Variants in CLYBL observed in about 807,000 individuals in gnomAD.
The protein encoded by CLYBL is citramalyl-CoA lyase, mitochondrial.
A neutral mutation model predicts 38.9 loss-of-function variants in CLYBL; 31 were observed. The ratio of observed to expected loss-of-function variants is 0.80; its 90% CI spans 0.60 to 1.08. The LOEUF (loss-of-function observed/expected upper bound fraction) is 1.08. CLYBL is among the 50% of genes least tolerant of loss of function. The pLI, the probability that CLYBL is intolerant of heterozygous loss-of-function variation, is 0.00. For missense variants in CLYBL, 434 were observed against 411.6 expected (o/e 1.05, Z -0.47); for synonymous variants, 171 against 158.6 (o/e 1.08, Z -0.59).
intron 1 of CLYBL, among the ~76,000 whole-genome samples, chr13:99,755,091 G>C (rs945024849): frequency 2.0e-5 from 3 of 151,860 alleles, no homozygotes; most frequent in African/African-American, 7.3e-5. Context: ...TAGAGACAGG[G>C]TTTCACCATG....
At chr13:99,694,245 G>A (rs892887250) in intron 1 of CLYBL, among the ~76,000 whole-genome samples, 1 of 152,120 alleles carries the variant, frequency 6.6e-6, no homozygotes, top group African/African-American at 2.4e-5. Flanking sequence ...TAAAAACCTG[G>A]GGAATCTGAT....
Position 99,858,843 on chromosome 13 carries a change from T to A in CLYBL, c.250-18T>A. ...CAATGATAAAAATAAACAATAAACTTTTTATTGACACTTACAGAATGAAGC... is the reference window on the plus strand; with the variant it reads ...CAATGATAAAAATAAACAATAAACTATTTATTGACACTTACAGAATGAAGC... On this transcript the variant is annotated intron_variant, in intron 2 of 8. Coordinates refer to ENST00000339105, the MANE Select transcript of CLYBL (RefSeq NM_206808.5). 6.4e-7 allele frequency: 1 copy of A among 1,565,768 alleles called. No homozygotes were observed. Among genetic ancestry groups the A allele is most frequent in the African/African-American group, 1.4e-5 (1 of 72,838 alleles).
chr13:99,857,330 T>C (rs2051483817), intron 2 of CLYBL, among the ~76,000 whole-genome samples: 1 of 151,846 alleles, frequency 6.6e-6, no homozygotes, highest in Admixed American at 6.6e-5. Context: ...AAAGAGAAGA[T>C]TTTCGTATTT....
intron 1 of CLYBL, among the ~76,000 whole-genome samples, chr13:99,685,690 G>C (rs376642003): frequency 1.7e-3 from 257 of 152,250 alleles, no homozygotes; most frequent in African/African-American, 5.9e-3. Context: ...GGCCGGGCAC[G>C]GTGGCTCAAG....
intron 1 of CLYBL, among the ~76,000 whole-genome samples, chr13:99,739,982 A>G (rs1594151414): frequency 6.8e-6 from 1 of 147,126 alleles, no homozygotes; most frequent in Non-Finnish European, 1.6e-5. Context: ...GAGGAAAAAA[A>G]AACAAAAAAA....
chr13:99,836,196 G>C (rs1434832683), intron 2 of CLYBL, among the ~76,000 whole-genome samples: 1 of 152,194 alleles, frequency 6.6e-6, no homozygotes, highest in Non-Finnish European at 1.5e-5. Flanking sequence ...GACACAGTCA[G>C]ACAGTGTGGA....
intron 1 of CLYBL, among the ~76,000 whole-genome samples, chr13:99,688,161 A>G (rs896890050): frequency 1.6e-4 from 25 of 152,092 alleles, no homozygotes; most frequent in Non-Finnish European, 2.9e-4. Context: ...AGTAGTGAAA[A>G]CCTAGAAACC....
intron 1 of CLYBL, among the ~76,000 whole-genome samples, chr13:99,609,192 T>TA (rs2046586839): frequency 1.4e-5 from 2 of 142,584 alleles, no homozygotes; most frequent in African/African-American, 2.6e-5. Context: ...TTTTTTTTTT[T>TA]TTTGAGACAG....
chr13:99,888,614 G>T (rs1009827621), intron 7 of CLYBL, among the ~76,000 whole-genome samples: 1 of 152,050 alleles, frequency 6.6e-6, no homozygotes, highest in Non-Finnish European at 1.5e-5. Context: ...TTAGCCAAAC[G>T]TGGTGGCACG....
downstream of CLYBL, chr13:99,895,083 G>A (rs898408394): frequency 6.6e-6 from 1 of 152,152 alleles, no homozygotes; most frequent in Admixed American, 6.5e-5. Flanking sequence ...ATTTCGCTGG[G>A]CAGATAGAAC....
chr13:99,818,675 A>G (rs1003171341), intron 2 of CLYBL, among the ~76,000 whole-genome samples: 1 of 152,196 alleles, frequency 6.6e-6, no homozygotes, highest in Non-Finnish European at 1.5e-5. Context: ...GCTTTTTACA[A>G]AGCTTCACTT....
chr13:99,858,568 C>T (rs1452606274), intron 2 of CLYBL, among the ~76,000 whole-genome samples: 1 of 152,196 alleles, frequency 6.6e-6, no homozygotes, highest in Non-Finnish European at 1.5e-5. Context: ...TTCCCCTTCC[C>T]ATTGGGAAGT....
intron 1 of CLYBL, among the ~76,000 whole-genome samples, chr13:99,670,405 A>G (rs2047548155): frequency 6.6e-6 from 1 of 152,144 alleles, no homozygotes; most frequent in African/African-American, 2.4e-5. Flanking sequence ...GTTCTTCACC[A>G]TCCAAGTTAT....
intron 2 of CLYBL, among the ~76,000 whole-genome samples, chr13:99,810,353 A>G (rs1410527327): frequency 2.6e-5 from 4 of 152,228 alleles, no homozygotes; most frequent in Admixed American, 2.6e-4. Context: ...CCCTGTGGAA[A>G]TGCCATTTGA....
At chr13:99,857,508 G>C (rs1328646814) in intron 2 of CLYBL, among the ~76,000 whole-genome samples, 2 of 152,194 alleles carry the variant, frequency 1.3e-5, no homozygotes, top group Non-Finnish European at 2.9e-5. Context: ...ATTATTGGCA[G>C]ATGAAGCTCT....
At chr13:99,628,044 A>G (rs2046893704) in intron 1 of CLYBL, among the ~76,000 whole-genome samples, 1 of 152,222 alleles carries the variant, frequency 6.6e-6, no homozygotes, top group African/African-American at 2.4e-5. Context: ...TAAAACGTGA[A>G]GTTTACAAAA....
At chr13:99,772,478 C>T (rs1371264024) in intron 1 of CLYBL, among the ~76,000 whole-genome samples, 3 of 152,140 alleles carry the variant, frequency 2.0e-5, no homozygotes, top group Non-Finnish European at 2.9e-5. Flanking sequence ...AGATGGATCC[C>T]TTGAGCCTAG....
intron 7 of CLYBL, among the ~76,000 whole-genome samples, chr13:99,889,452 T>A (rs1223012431): frequency 6.6e-6 from 1 of 152,138 alleles, no homozygotes; most frequent in Non-Finnish European, 1.5e-5. Context: ...CCAACCAAAT[T>A]AGGAAAATTC....
At chr13:99,695,808 G>A (rs751660779) in intron 1 of CLYBL, among the ~76,000 whole-genome samples, 1 of 152,100 alleles carries the variant, frequency 6.6e-6, no homozygotes, top group African/African-American at 2.4e-5. Flanking sequence ...ATGAGCCACC[G>A]TCCCCAGTGT....
Sources: allele counts gnomAD v4.1 joint callset (sites outside exome capture counted in the v4.1 genomes callset), GRCh38; gene constraint gnomAD v4.1.1; transcripts MANE v1.5; gene names NCBI Gene and HGNC (gene_info 2026-07-23, HGNC 2026-07-21).